The following SHISA6 variants were observed in gnomAD, a reference collection of about 807,000 sequenced individuals.
The protein encoded by SHISA6 is shisa family member 6, also known as protein shisa-6.
SHISA6 carries 22 observed loss-of-function variants against 47.9 expected under a neutral mutation model. That is an observed-to-expected ratio of 0.46 (90% confidence interval 0.33 to 0.66). SHISA6 has a LOEUF of 0.66. Among genes scored for constraint, SHISA6 ranks in the 30% least tolerant of loss-of-function variants. SHISA6 has a pLI of 0.02. For synonymous variants in SHISA6, 388 were observed against 337.8 expected, an observed-to-expected ratio of 1.15 and a Z score of -1.63; for missense variants, 680 against 764.6, an observed-to-expected ratio of 0.89 and a Z score of 1.30.
intron 3 of SHISA6, among the ~76,000 whole-genome samples, chr17:11,459,614 C>T (rs996379402): frequency 2.0e-5 from 3 of 152,142 alleles, no homozygotes; most frequent in Admixed American, 1.3e-4. Flanking sequence ...TTAATATCTG[C>T]AGGTAGAGGA....
At chr17:11,516,505 T>C (rs991098355) in intron 3 of SHISA6, among the ~76,000 whole-genome samples, 5 of 152,160 alleles carry the variant, frequency 3.3e-5, no homozygotes, top group African/African-American at 9.7e-5. Flanking sequence ...AAATCACTGA[T>C]GTGCTGGTAG....
intron 3 of SHISA6, among the ~76,000 whole-genome samples, chr17:11,479,360 G>A (rs1849588): frequency 0.63 from 96,266 of 151,998 alleles, 31,364 homozygotes; most frequent in African/African-American, 0.79. Flanking sequence ...TAACACAGGA[G>A]CAGAAAACCA....
chr17:11,527,822 C>G (rs866052619), intron 3 of SHISA6, among the ~76,000 whole-genome samples: 1 of 152,268 alleles, frequency 6.6e-6, no homozygotes, highest in Non-Finnish European at 1.5e-5. Flanking sequence ...AAAAAATTGT[C>G]AACTCTTGAT....
rs111624056 is a variant in SHISA6 at position 11,294,162 on chromosome 17, G to A, written c.799+30636G>A. ...GCCTCCCAGAGTGCTGGGATTACAGGCATGAGCCACCATGCCCGGCTGGTG... is the reference window on the plus strand; with the variant it reads ...GCCTCCCAGAGTGCTGGGATTACAGACATGAGCCACCATGCCCGGCTGGTG... On this transcript the variant is annotated intron_variant, in intron 2 of 5. Coordinates refer to ENST00000441885, the MANE Select transcript of SHISA6 (RefSeq NM_207386.4). Among the ~76,000 whole-genome samples, 145 of 152,244 alleles carry A rather than the reference G, an allele frequency of 9.5e-4. 1 individual carries two copies. Among genetic ancestry groups the A allele is most frequent in the African/African-American group, 3.2e-3 (135 of 41,540 alleles).
chr17:11,389,478 G>A (rs1466861628), intron 3 of SHISA6, among the ~76,000 whole-genome samples: 4 of 152,324 alleles, frequency 2.6e-5, no homozygotes, highest in Non-Finnish European at 5.9e-5. Context: ...GGTCATGAAT[G>A]TGTCCCATAT....
intron 2 of SHISA6, among the ~76,000 whole-genome samples, chr17:11,275,372 T>C (rs1908850707): frequency 6.6e-6 from 1 of 152,066 alleles, no homozygotes; most frequent in South Asian, 2.1e-4. Context: ...GCATAGTTCA[T>C]TAGCAGCACC....
chr17:11,536,281 T>C (rs1297830457), intron 3 of SHISA6, among the ~76,000 whole-genome samples: 2 of 152,120 alleles, frequency 1.3e-5, no homozygotes, highest in African/African-American at 4.8e-5. Flanking sequence ...TATGATAGTA[T>C]GCCAGGAACA....
At chr17:11,542,252 A>G (rs2071840265) in intron 3 of SHISA6, among the ~76,000 whole-genome samples, 1 of 151,982 alleles carries the variant, frequency 6.6e-6, no homozygotes, top group Non-Finnish European at 1.5e-5. Context: ...ATAGAGGAGC[A>G]GCAATACAAT....
intron 1 of SHISA6, among the ~76,000 whole-genome samples, chr17:11,250,521 C>T (rs908991505): frequency 6.6e-6 from 1 of 152,168 alleles, no homozygotes; most frequent in Non-Finnish European, 1.5e-5. Context: ...AGGCAGGTGA[C>T]AAGGGTTACC....
chr17:11,387,576 G>A (rs191101038), intron 3 of SHISA6, among the ~76,000 whole-genome samples: 3 of 152,288 alleles, frequency 2.0e-5, no homozygotes, highest in East Asian at 1.9e-4. Context: ...ATGTTAGTCA[G>A]TGATGATGGG....
At chr17:11,452,798 T>C (rs1379700561) in intron 3 of SHISA6, among the ~76,000 whole-genome samples, 1 of 149,078 alleles carries the variant, frequency 6.7e-6, no homozygotes, top group African/African-American at 2.5e-5. Context: ...TCTCCCTTCA[T>C]CCTCTCTTTT....
chr17:11,323,649 G>A (rs963527157), intron 2 of SHISA6, among the ~76,000 whole-genome samples: 10 of 145,814 alleles, frequency 6.9e-5, no homozygotes, highest in African/African-American at 2.0e-4. Context: ...GTGAGACTGT[G>A]TCTCAAAAAT....
At chr17:11,545,702 A>C (rs1249477891) in intron 3 of SHISA6, among the ~76,000 whole-genome samples, 1 of 152,182 alleles carries the variant, frequency 6.6e-6, no homozygotes, top group East Asian at 1.9e-4. Flanking sequence ...CAGTTGTTTC[A>C]GGTAGGACAG....
At chr17:11,545,473 T>C (rs1459815254) in intron 3 of SHISA6, among the ~76,000 whole-genome samples, 1 of 152,224 alleles carries the variant, frequency 6.6e-6, no homozygotes, top group East Asian at 1.9e-4. Context: ...GTACATTGAC[T>C]GTGTTAATGC....
chr17:11,456,725 A>G lies in SHISA6; in HGVS notation c.895+77216A>G, dbSNP rs1438859220. Among the ~76,000 whole-genome samples, 4 of 152,218 alleles carry G rather than the reference A, an allele frequency of 2.6e-5. No individual in the cohort carries two copies. The East Asian group carries it at 7.7e-4, about 29-fold the overall frequency. The stretch of plus-strand genomic sequence containing the variant: ...CTGGACCGCCCCCCTCTGCACACGA[A>G]GAACTGCAGGACTTGGAGGCTGTCT... On this transcript the variant is annotated intron_variant, in intron 3 of 5. Coordinates refer to ENST00000441885, the MANE Select transcript of SHISA6 (RefSeq NM_207386.4).
intron 3 of SHISA6, among the ~76,000 whole-genome samples, chr17:11,388,092 G>T: frequency 6.6e-6 from 1 of 152,174 alleles, no homozygotes; most frequent in East Asian, 1.9e-4. Context: ...CAGACCAACA[G>T]TGGATTGTGG....
intron 3 of SHISA6, among the ~76,000 whole-genome samples, chr17:11,439,175 A>G (rs1433573445): frequency 6.6e-6 from 1 of 152,204 alleles, no homozygotes; most frequent in African/African-American, 2.4e-5. Context: ...TACACCCAAG[A>G]AAATCCTTCA....
In SHISA6 at chr17:11,555,906, C is replaced by T; in HGVS notation, c.1105+14C>T. ...TGAAGAGGCTAAGTAAGTTGAATTT[C>T]CCCCAAGTTGGGGTCTGTCTCTGGG... On this transcript the variant is annotated intron_variant, in intron 5 of 5. Transcript: ENST00000441885. The T allele has an allele frequency of 4.6e-6, 7 of 1,509,960 alleles. No individual in the cohort carries two copies. In the Admixed American group the frequency reaches 1.3e-4, roughly 29 times the overall value. 93.5% of individuals were successfully genotyped at this position (1,509,960 alleles called of 1,614,324 possible). A position where few individuals can be genotyped will look rare whatever the true frequency, so the allele number is the denominator to read the frequency against.
intron 3 of SHISA6, among the ~76,000 whole-genome samples, chr17:11,390,365 C>T (rs1485786639): frequency 6.6e-6 from 1 of 152,162 alleles, no homozygotes; most frequent in African/African-American, 2.4e-5. Flanking sequence ...TGCACCAGAG[C>T]TCTGAGCACT....
Sources: gnomAD v4.1 joint callset for allele counts (sites outside exome capture counted in the v4.1 genomes callset) on GRCh38, gnomAD v4.1.1 for gene constraint, MANE v1.5 for transcripts, NCBI Gene and HGNC (gene_info 2026-07-23, HGNC 2026-07-21) for gene names.